Variants in BMI1 observed in about 807,000 individuals in gnomAD.
BMI1 encodes polycomb complex protein BMI-1.
Under a neutral mutation model 39.1 loss-of-function variants are expected in BMI1, and 9 were observed. The observed-to-expected ratio is 0.23, with a 90% confidence interval of 0.14 to 0.40. The LOEUF (loss-of-function observed/expected upper bound fraction) is 0.40. BMI1 is among the 10% of genes least tolerant of loss of function. The pLI, the probability that BMI1 is intolerant of heterozygous loss-of-function variation, is 1.00. For missense variants in BMI1, 252 were observed against 390.8 expected (o/e 0.64, Z 2.99); for synonymous variants, 131 against 127.9 (o/e 1.02, Z -0.16).
Position 22,321,446 on chromosome 10 carries a change from C to CGGA in BMI1, c.-258_-256dup, listed in dbSNP as rs968730244. On this transcript the variant is annotated 5_prime_UTR_variant, in exon 1 of 10. Transcript: ENST00000376663. Reference sequence around the variant, plus strand: ...GAGGCGTTGGAGGTCGAGGCGGAGGCGGAGGAGGAGGAGGCCGAGGCGCCG... The same window carrying CGGA: ...GAGGCGTTGGAGGTCGAGGCGGAGGCGGAGGAGGAGGAGGAGGCCGAGGCGCCG... 2.5e-3 allele frequency: 400 copies of CGGA among 160,118 alleles called. No homozygotes were observed. Among genetic ancestry groups the CGGA allele is most frequent in the Non-Finnish European group, 4.4e-3 (328 of 73,878 alleles). 9.9% of individuals were successfully genotyped at this position (160,118 alleles called of 1,614,324 possible). A position where few individuals can be genotyped will look rare whatever the true frequency, so the allele number is the denominator to read the frequency against.
In BMI1 at chr10:22,321,487, C is replaced by T; in HGVS notation, c.-229C>T. On this transcript the variant is annotated 5_prime_UTR_variant, in exon 1 of 10. Transcript: ENST00000376663. ...CGAGGCGCCGGAGGAGGCCGAGGCGCCGGAGCAGGAGGAGGCCGGCCGGAG... is the reference window on the plus strand; with the variant it reads ...CGAGGCGCCGGAGGAGGCCGAGGCGTCGGAGCAGGAGGAGGCCGGCCGGAG... The T allele has an allele frequency of 6.3e-6, 1 of 157,952 alleles. No homozygotes were observed. Among genetic ancestry groups the T allele is most frequent in the Non-Finnish European group, 1.4e-5 (1 of 72,062 alleles). The allele number at this position is 157,952 out of a possible 1,614,324, so 9.8% of individuals were successfully genotyped here. A position where few individuals can be genotyped will look rare whatever the true frequency, so the allele number is the denominator to read the frequency against.
chr10:22,328,237 T>C, intron 7 of BMI1, 58 bp downstream of exon 7: 1 of 1,546,290 alleles, frequency 6.5e-7, no homozygotes, highest in Non-Finnish European at 8.7e-7. Flanking sequence ...CCAGATTTTA[T>C]CAGGGATTGT....
At chr10:22,324,226 G>A (rs1308924891) in intron 1 of BMI1, among the ~76,000 whole-genome samples, 1 of 152,166 alleles carries the variant, frequency 6.6e-6, no homozygotes, top group Non-Finnish European at 1.5e-5. Flanking sequence ...CATGAACTTC[G>A]TGATCGGTGG....
In BMI1 at chr10:22,326,515, A is replaced by G. The variant is rs1413132197; in HGVS notation, c.66A>G (p.Gly22=). The stretch of plus-strand genomic sequence containing the variant: ...CCCACCTGATGTGTGTGCTTTGTGG[A>G]GGGTACTTCATTGATGCCACAACCA... The part of the protein sequence containing the change: ...LNPHLMCVLC[G]GYFIDATTII... The change falls in exon 2 of 10, where the codon GGA becomes GGG. Residue 22 remains glycine, a synonymous_variant. Transcript: ENST00000376663. 2 of 1,614,116 alleles carry G rather than the reference A, an allele frequency of 1.2e-6. No individual in the cohort carries two copies. The highest frequency in any genetic ancestry group is 2.2e-5 in the South Asian group (2 of 91,086).
Position 22,328,188 on chromosome 10 carries a change from C to T in BMI1, c.471+9C>T, listed in dbSNP as rs1836201599. 6.3e-7 allele frequency: 1 copy of T among 1,595,900 alleles called. No individual in the cohort carries two copies. The highest frequency in any genetic ancestry group is 1.2e-5 in the South Asian group (1 of 86,812). ...AGAAATCTAAGGAGGAGGTATGTTT[C>T]ATGTTACAAAAACATATAGAAGAAA... On this transcript the variant is annotated intron_variant, in intron 7 of 9. Coordinates refer to ENST00000376663, the MANE Select transcript of BMI1 (RefSeq NM_005180.9).
intron 1 of BMI1, chr10:22,325,629 G>C (rs1340084848): frequency 1.1e-5 from 1 of 92,336 alleles, no homozygotes; most frequent in Non-Finnish European, 2.2e-5. Flanking sequence ...CCCCTCCCCC[G>C]CCCGCCCGCC....
Position 22,327,314 on chromosome 10 carries a change from C to T in BMI1, c.210-281C>T, listed in dbSNP as rs185175640. Among the ~76,000 whole-genome samples, 13 of 152,180 alleles carry T rather than the reference C, an allele frequency of 8.5e-5. No homozygotes were observed. The East Asian group carries it at 2.5e-3, about 29-fold the overall frequency. ...AAAGGGCTTCCATTCCTCTTTATTC[C>T]CTATTCATATTAGCTAGTTTAGTAA... is the stretch of plus-strand genomic sequence containing the variant. On this transcript the variant is annotated intron_variant, in intron 3 of 9. Coordinates refer to ENST00000376663, the MANE Select transcript of BMI1 (RefSeq NM_005180.9).
At chr10:22,327,709 T>G (rs747145981) in intron 4 of BMI1, 33 bp from the exon 5 acceptor site, 1 of 1,613,230 alleles carries the variant, frequency 6.2e-7, no homozygotes, top group Admixed American at 1.7e-5. Context: ...CTTTGTGTTA[T>G]GCCAAATGTT....
Position 22,326,696 on chromosome 10 carries a change from A to C in BMI1, c.112+135A>C, listed in dbSNP as rs144389496. On this transcript the variant is annotated intron_variant, in intron 2 of 9. Coordinates refer to ENST00000376663, the MANE Select transcript of BMI1 (RefSeq NM_005180.9). ...TGGTGAAGGCATTTTCTTCTCTTGC[A>C]TCTAATGACTTTTTGTTAATATGTA... is the stretch of plus-strand genomic sequence containing the variant. 4.6e-4 allele frequency: 655 copies of C among 1,409,014 alleles called. 1 individual carries two copies. In the African/African-American group the frequency reaches 8.0e-3, roughly 17 times the overall value. 87.3% of individuals were successfully genotyped at this position (1,409,014 alleles called of 1,614,324 possible). A position where few individuals can be genotyped will look rare whatever the true frequency, so the allele number is the denominator to read the frequency against.
rs1390001859 is a variant in BMI1, at chr10:22,327,972, T to C, written c.339T>C (p.Asp113=). The change falls in exon 6 of 10, where the codon GAT becomes GAC. Residue 113 remains aspartate (D), a synonymous_variant. Transcript: ENST00000376663. ...TAGCTGCCAATGGCTCTAATGAAGA[T>C]AGAGGAGAGGTTGCAGATGAAGATA... ...SADAANGSNE[D]RGEVADEDKR... 11 of 1,607,870 alleles carry C rather than the reference T, an allele frequency of 6.8e-6. No individual in the cohort carries two copies. The highest frequency in any genetic ancestry group is 2.7e-5 in the African/African-American group (2 of 74,556).
At chr10:22,325,639 CCGCCCGCCGCCCCGCA>C (rs1205307504) in intron 1 of BMI1, 2 of 146,708 alleles carry the variant, frequency 1.4e-5, no homozygotes, top group African/African-American at 2.5e-5. Context: ...GCCCGCCCGC[CCGCCCGCCGCCCCGCA>C]CGCCCGCCGA....
chr10:22,326,748 A>G (rs1836164122), intron 2 of BMI1, 142 bp from the exon 3 acceptor site: 7 of 1,300,768 alleles, frequency 5.4e-6, no homozygotes, highest in Non-Finnish European at 6.4e-6. Context: ...CATGCAATAT[A>G]TGTGTTCTCA....
intron 1 of BMI1, among the ~76,000 whole-genome samples, chr10:22,322,796 C>T (rs531354652): frequency 6.6e-6 from 1 of 152,264 alleles, no homozygotes; most frequent in Non-Finnish European, 1.5e-5. Context: ...TAGAAAAGAG[C>T]ACTAAAAAGT....
At chr10:22,325,623 T>TCCCCCGCC (rs1320021387) in intron 1 of BMI1, 2 of 63,054 alleles carry the variant, frequency 3.2e-5, no homozygotes, top group Non-Finnish European at 6.2e-5. Context: ...GCGCCGCCCC[T>TCCCCCGCC]CCCCCGCCCG....
At chr10:22,327,100 A>G in intron 3 of BMI1, 114 bp downstream of exon 3, 1 of 1,193,432 alleles carries the variant, frequency 8.4e-7, no homozygotes, top group South Asian at 1.4e-5. Flanking sequence ...CATAACTAAT[A>G]TGTGTGTGCT....
intron 1 of BMI1, chr10:22,325,519 C>G (rs1169706271): frequency 6.6e-6 from 1 of 151,110 alleles, no homozygotes; most frequent in Non-Finnish European, 1.5e-5. Flanking sequence ...GATCCCCGCT[C>G]CCCGCTCCCC....
rs1391435503 is a variant in BMI1 at position 22,330,849 on chromosome 10, AC to A, written c.*1311del. ...GCATGTTGAATTTAAAATATGAATA[AC>A]CCCACCCAACAATTTTCAGTTTATT... is the stretch of plus-strand genomic sequence containing the variant. On this transcript the variant is annotated 3_prime_UTR_variant, in exon 10 of 10. Transcript: ENST00000376663. 1.3e-5 allele frequency: 2 copies of A among 152,538 alleles called. No individual in the cohort carries two copies. Among genetic ancestry groups the A allele is most frequent in the East Asian group, 3.8e-4 (2 of 5,200 alleles). The allele number at this position is 152,538 out of a possible 1,614,324, so 9.4% of individuals were successfully genotyped here.
intron 3 of BMI1, 128 bp from the exon 4 acceptor site, chr10:22,327,467 A>C (rs1588620640): frequency 1.1e-6 from 1 of 937,560 alleles, no homozygotes; most frequent in East Asian, 2.6e-5. Flanking sequence ...TTATCTTATC[A>C]ATAATAGTTA....
In BMI1 at chr10:22,321,370, C is replaced by T; in HGVS notation, c.-346C>T. ...CGCGCGCCCTCCCCCGAGTGCGGAG[C>T]GGGAGGAGGCGGCGGCGGCCGAGGA... On this transcript the variant is annotated 5_prime_UTR_variant, in exon 1 of 10. Transcript: ENST00000376663. 6.3e-6 allele frequency: 1 copy of T among 158,406 alleles called. No individual in the cohort carries two copies. The highest frequency in any genetic ancestry group is 1.4e-5 in the Non-Finnish European group (1 of 72,564). The allele number at this position is 158,406 out of a possible 1,614,324, so 9.8% of individuals were successfully genotyped here.
Sources: allele counts gnomAD v4.1 joint callset (sites outside exome capture counted in the v4.1 genomes callset), GRCh38; gene constraint gnomAD v4.1.1; transcripts MANE v1.5; gene names NCBI Gene and HGNC (gene_info 2026-07-23, HGNC 2026-07-21).